Variants in ABLIM1 observed in about 807,000 individuals in gnomAD.
ABLIM1 encodes actin binding LIM protein 1.
In ABLIM1, 40 loss-of-function variants were observed where a neutral mutation model predicts 107.0. The ratio of observed to expected loss-of-function variants is 0.37; its 90% CI spans 0.29 to 0.49. The LOEUF (loss-of-function observed/expected upper bound fraction) is 0.49, where lower values mean the gene tolerates loss of function less well. Among genes scored for constraint, ABLIM1 ranks in the 20% least tolerant of loss-of-function variants. The probability of loss-of-function intolerance (pLI) is 0.97; values close to 1 mark genes in which losing one functional copy is unlikely to be tolerated. For synonymous variants in ABLIM1, 357 were observed against 357.3 expected (o/e 1.00, Z 0.01); for missense variants, 857 against 1,008.5 (o/e 0.85, Z 2.04).
the ABLIM1 span, among the ~76,000 whole-genome samples, chr10:114,777,293 T>C: frequency 6.6e-6 from 1 of 152,234 alleles, no homozygotes; most frequent in East Asian, 1.9e-4. Context: ...TAGTAGATTC[T>C]ACCTCTGTTG....
At chr10:114,453,642 A>G (rs1244058281) in intron 12 of ABLIM1, among the ~76,000 whole-genome samples, 159 bp from the exon 13 acceptor site, 1 of 152,218 alleles carries the variant, frequency 6.6e-6, no homozygotes, top group Non-Finnish European at 1.5e-5. Flanking sequence ...TTGACTTGCA[A>G]AGGTGATATC....
intron 1 of ABLIM1, chr10:114,690,620 G>A: frequency 1.3e-6 from 1 of 776,096 alleles, no homozygotes; most frequent in Non-Finnish European, 2.3e-6. Context: ...CAATGTTGAA[G>A]AACACCGTGG....
At chr10:114,749,450 C>CCACACACA (rs151201319) in intron 1 of ABLIM1, among the ~76,000 whole-genome samples, 45,317 of 141,342 alleles carry the variant, frequency 0.32, 7,549 homozygotes, top group Non-Finnish European at 0.4. Context: ...AACACACACA[C>CCACACACA]CACACACACA....
chr10:114,728,106 C>G (rs1445045287), intron 1 of ABLIM1, among the ~76,000 whole-genome samples: 2 of 152,074 alleles, frequency 1.3e-5, no homozygotes, highest in African/African-American at 4.8e-5. Flanking sequence ...CGGTTCACAA[C>G]TGAGGAAAAG....
chr10:114,668,427 C>T (rs1472398821), intron 1 of ABLIM1, among the ~76,000 whole-genome samples: 1 of 152,070 alleles, frequency 6.6e-6, no homozygotes, highest in Non-Finnish European at 1.5e-5. Context: ...TAGGAGACAG[C>T]CCTAATAGAA....
chr10:114,583,154 T>C (rs1195089402), intron 2 of ABLIM1, among the ~76,000 whole-genome samples: 1 of 151,284 alleles, frequency 6.6e-6, no homozygotes, highest in Non-Finnish European at 1.5e-5. Context: ...AGGAATTTAA[T>C]TCTACAAGCA....
intron 4 of ABLIM1, among the ~76,000 whole-genome samples, chr10:114,565,341 G>A (rs1232302244): frequency 6.6e-6 from 1 of 152,234 alleles, no homozygotes; most frequent in Non-Finnish European, 1.5e-5. Context: ...CAGCTGTCAT[G>A]ACCAGCAGAG....
At chr10:114,643,982 A>T (rs9421195) in intron 1 of ABLIM1, among the ~76,000 whole-genome samples, 17,377 of 151,576 alleles carry the variant, frequency 0.11, 2,427 homozygotes, top group African/African-American at 0.34. Flanking sequence ...AATAATTTTT[A>T]AAAAATACCA....
intron 8 of ABLIM1, chr10:114,485,469 A>C: frequency 6.7e-6 from 8 of 1,186,900 alleles, no homozygotes; most frequent in Non-Finnish European, 8.1e-6. Context: ...CAAAACAACA[A>C]CCACCTTAGG....
intron 1 of ABLIM1, among the ~76,000 whole-genome samples, chr10:114,716,909 G>A (rs1383733885): frequency 2.0e-5 from 3 of 150,906 alleles, no homozygotes; most frequent in African/African-American, 7.3e-5. Flanking sequence ...CCATTAATGA[G>A]AGCTGCCACA....
chr10:114,739,862 G>T (rs2142268450), intron 1 of ABLIM1, among the ~76,000 whole-genome samples: 1 of 152,128 alleles, frequency 6.6e-6, no homozygotes, highest in Middle Eastern at 3.4e-3. Flanking sequence ...AGCCCAAACG[G>T]ATTAAAGGAA....
chr10:114,625,361 T>C (rs1431111575), intron 1 of ABLIM1, among the ~76,000 whole-genome samples: 1 of 152,108 alleles, frequency 6.6e-6, no homozygotes, highest in Non-Finnish European at 1.5e-5. Context: ...CGTGCATGCA[T>C]CTGAGTGGGT....
chr10:114,439,849 G>A, intron 20 of ABLIM1: 1 of 614,862 alleles, frequency 1.6e-6, no homozygotes, highest in African/African-American at 1.8e-5. Context: ...GCCAAAGCAA[G>A]AGAGACCCCC....
intron 1 of ABLIM1, among the ~76,000 whole-genome samples, chr10:114,666,371 T>C (rs1301856413): frequency 6.6e-6 from 1 of 152,194 alleles, no homozygotes; most frequent in African/African-American, 2.4e-5. Flanking sequence ...TTGTTTTTCT[T>C]TTTTACTGCT....
intron 1 of ABLIM1, among the ~76,000 whole-genome samples, chr10:114,696,613 G>A (rs1332887531): frequency 1.3e-5 from 2 of 152,162 alleles, no homozygotes; most frequent in Admixed American, 6.5e-5. Context: ...TAAGTCTCAT[G>A]GGATCTGATG....
intron 8 of ABLIM1, among the ~76,000 whole-genome samples, chr10:114,487,225 G>A (rs1275039759): frequency 2.6e-5 from 4 of 152,198 alleles, no homozygotes; most frequent in Non-Finnish European, 5.9e-5. Context: ...ACAGTAAATA[G>A]GGTGAAGTTA....
the ABLIM1 span, among the ~76,000 whole-genome samples, chr10:114,789,923 G>A: frequency 6.6e-6 from 1 of 152,022 alleles, no homozygotes; most frequent in Non-Finnish European, 1.5e-5. Context: ...CTCTGGAGTA[G>A]CTGGATTTAC....
rs186018790 is a variant in ABLIM1, at chr10:114,764,334, A to G, written c.-213+3727T>C. ...TAATACTTTTCTCTTAAAATTTTAA[A>G]AATAAAGTTGCTTTTCTTATGAGAT... is the stretch of plus-strand genomic sequence containing the variant. On this transcript the variant is annotated intron_variant, in intron 1 of 15. Transcript: ENST00000651092. 4.6e-3 allele frequency among the ~76,000 whole-genome samples: 698 copies of G among 152,332 alleles called. 9 individuals are homozygous for G. Among genetic ancestry groups the G allele is most frequent in the African/African-American group, 0.016 (656 of 41,584 alleles).
intron 7 of ABLIM1, 51 bp downstream of exon 7, chr10:114,491,740 T>G: frequency 1.3e-6 from 2 of 1,502,434 alleles, no homozygotes; most frequent in Non-Finnish European, 1.8e-6. Context: ...CATAGCAAGA[T>G]TTCCTTTCCC....
Sources: allele counts gnomAD v4.1 joint callset (sites outside exome capture counted in the v4.1 genomes callset), GRCh38; gene constraint gnomAD v4.1.1; transcripts MANE v1.5; gene names NCBI Gene and HGNC (gene_info 2026-07-23, HGNC 2026-07-21).